The following LRCH1 variants were observed in gnomAD, a reference collection of about 807,000 sequenced individuals.
LRCH1 encodes leucine rich repeats and calponin homology domain containing 1, also known as leucine-rich repeat and calponin homology domain-containing protein 1.
A neutral mutation model predicts 94.9 loss-of-function variants in LRCH1; 23 were observed. That is an observed-to-expected ratio of 0.24 (90% CI 0.17 to 0.34). The LOEUF is 0.34. Ranked by LOEUF, LRCH1 falls within the 10% of genes least tolerant of loss-of-function variation. The pLI is 1.00. For synonymous variants in LRCH1, 364 were observed against 354.9 expected (o/e 1.03, Z -0.29); for missense variants, 790 against 945.9 (o/e 0.84, Z 2.16).
chr13:46,711,882 CTTGATGG>C, intron 14 of LRCH1, 38 bp downstream of exon 14: 1 of 1,457,690 alleles, frequency 6.9e-7, no homozygotes, highest in Non-Finnish European at 9.6e-7. Context: ...TGAGGTGTTT[CTTGATGG>C]CTGGATTGGA....
At chr13:46,558,952 G>A (rs2050100436) in intron 1 of LRCH1, among the ~76,000 whole-genome samples, 1 of 152,212 alleles carries the variant, frequency 6.6e-6, no homozygotes, top group Non-Finnish European at 1.5e-5. Flanking sequence ...CCCTAGCTCT[G>A]TGTGATCTGG....
rs556376716 is a variant in LRCH1 at position 46,624,975 on chromosome 13, A to G, written c.308-25226A>G. Among the ~76,000 whole-genome samples, 4 of 152,322 alleles carry G rather than the reference A, an allele frequency of 2.6e-5. No homozygotes were observed. In the South Asian group the frequency reaches 8.3e-4, roughly 32 times the overall value. ...TATTTAAAAACCTTCAGTAGCCTGC[A>G]TCCTCAGGGTTCTGTTTACAGAGAC... is the stretch of plus-strand genomic sequence containing the variant. On this transcript the variant is annotated intron_variant, in intron 1 of 19. Coordinates refer to ENST00000389797, the MANE Select transcript of LRCH1 (RefSeq NM_001164211.2).
intron 1 of LRCH1, among the ~76,000 whole-genome samples, chr13:46,617,547 T>A (rs1032396099): frequency 6.6e-6 from 1 of 152,244 alleles, no homozygotes; most frequent in African/African-American, 2.4e-5. Flanking sequence ...CCCTGCCTTG[T>A]AACCATGAAC....
At chr13:46,699,745 G>A (rs762136681) in intron 10 of LRCH1, among the ~76,000 whole-genome samples, 18 of 152,106 alleles carry the variant, frequency 1.2e-4, no homozygotes, top group Non-Finnish European at 1.8e-4. Flanking sequence ...GATCTGTAGC[G>A]CTGATCTCCT....
chr13:46,631,181 T>C (rs1472890117), intron 1 of LRCH1, among the ~76,000 whole-genome samples: 1 of 152,264 alleles, frequency 6.6e-6, no homozygotes, highest in Non-Finnish European at 1.5e-5. Flanking sequence ...TTCTGCATCC[T>C]TTCCATAGCA....
At chr13:46,683,444 G>T (rs2138145415) in intron 4 of LRCH1, among the ~76,000 whole-genome samples, 1 of 152,236 alleles carries the variant, frequency 6.6e-6, no homozygotes, top group Admixed American at 6.5e-5. Context: ...ATTTGTCCTT[G>T]TACAATCTCA....
chr13:46,750,548 A>T (rs376672077), exon 19 of LRCH1: 1 of 1,549,370 alleles, frequency 6.5e-7, no homozygotes, highest in African/African-American at 1.4e-5. Flanking sequence ...AGGAAAAGCT[A>T]TGTCTCCCCC....
At chr13:46,682,286 G>A (rs774136585) in intron 4 of LRCH1, among the ~76,000 whole-genome samples, 1 of 151,900 alleles carries the variant, frequency 6.6e-6, no homozygotes, top group Non-Finnish European at 1.5e-5. Context: ...GGGTCTTCTC[G>A]TCATCTCCCC....
chr13:46,603,710 G>T (rs2050656466), intron 1 of LRCH1, among the ~76,000 whole-genome samples: 1 of 152,198 alleles, frequency 6.6e-6, no homozygotes, highest in Non-Finnish European at 1.5e-5. Context: ...GCTTTGGAGT[G>T]CAGGGGACTG....
intron 1 of LRCH1, among the ~76,000 whole-genome samples, chr13:46,579,352 A>G (rs1246106376): frequency 6.6e-6 from 1 of 152,188 alleles, no homozygotes; most frequent in Non-Finnish European, 1.5e-5. Flanking sequence ...TGAAAAGTGT[A>G]CCATCTCAGA....
At chr13:46,630,398 AAAG>A (rs2051004333) in intron 1 of LRCH1, among the ~76,000 whole-genome samples, 1 of 152,252 alleles carries the variant, frequency 6.6e-6, no homozygotes, top group African/African-American at 2.4e-5. Flanking sequence ...CAGCAAACTC[AAAG>A]AATCAGAGTG....
At chr13:46,703,685 G>A (rs941996947) in intron 11 of LRCH1, among the ~76,000 whole-genome samples, 2 of 152,116 alleles carry the variant, frequency 1.3e-5, no homozygotes, top group African/African-American at 4.8e-5. Context: ...AGAATGTGAT[G>A]TGGCCAATAT....
intron 3 of LRCH1, among the ~76,000 whole-genome samples, chr13:46,669,376 C>T (rs1212301585): frequency 6.6e-6 from 1 of 152,180 alleles, no homozygotes; most frequent in African/African-American, 2.4e-5. Context: ...TAATTTACAG[C>T]TCCTGAAGTT....
Position 46,742,683 on chromosome 13 carries a change from G to C in LRCH1, c.*835G>C. On this transcript the variant is annotated 3_prime_UTR_variant, in exon 20 of 20. Transcript: ENST00000389797. ...ATTTCTATTTTTGAACAATGGAACG[G>C]ATCACTGCTTTTTTGCCACATCACA... 1.0e-6 allele frequency: 1 copy of C among 985,390 alleles called. No individual in the cohort carries two copies. The highest frequency in any genetic ancestry group is 1.2e-6 in the Non-Finnish European group (1 of 829,930). The allele number at this position is 985,390 out of a possible 1,614,324, so 61.0% of individuals were successfully genotyped here.
intron 10 of LRCH1, among the ~76,000 whole-genome samples, chr13:46,699,972 G>C (rs1229872462): frequency 6.6e-6 from 1 of 152,224 alleles, no homozygotes; most frequent in Non-Finnish European, 1.5e-5. Context: ...GAGGCACAGA[G>C]AGATTGATTA....
intron 1 of LRCH1, among the ~76,000 whole-genome samples, chr13:46,580,660 C>G (rs927830726): frequency 6.6e-6 from 1 of 152,158 alleles, no homozygotes; most frequent in African/African-American, 2.4e-5. Context: ...AGTCCCTTCC[C>G]TTTTTGCCAT....
intron 1 of LRCH1, among the ~76,000 whole-genome samples, chr13:46,574,327 A>G (rs2050277460): frequency 1.3e-5 from 2 of 152,178 alleles, no homozygotes; most frequent in Non-Finnish European, 2.9e-5. Flanking sequence ...TATACCTACT[A>G]TGTACCCCCA....
intron 1 of LRCH1, among the ~76,000 whole-genome samples, chr13:46,579,559 T>A (rs2050342593): frequency 1.3e-5 from 2 of 152,118 alleles, no homozygotes; most frequent in South Asian, 4.1e-4. Context: ...AATTGAGGAA[T>A]AGGGTTACCA....
At chr13:46,684,953 G>C (rs2033223315) in intron 4 of LRCH1, among the ~76,000 whole-genome samples, 1 of 152,216 alleles carries the variant, frequency 6.6e-6, no homozygotes, top group South Asian at 2.1e-4. Context: ...AGGAGAAATA[G>C]TGTGAATTTT....
Sources: allele counts gnomAD v4.1 joint callset (sites outside exome capture counted in the v4.1 genomes callset), GRCh38; gene constraint gnomAD v4.1.1; transcripts MANE v1.5; gene names NCBI Gene and HGNC (gene_info 2026-07-23, HGNC 2026-07-21).